CCNI: variants seen among roughly 807,000 people sequenced by gnomAD.
The protein encoded by CCNI is cyclin-I.
CCNI carries 14 observed loss-of-function variants against 34.1 expected under a neutral mutation model. The observed-to-expected ratio is 0.41, with a 90% CI of 0.27 to 0.64. The LOEUF (loss-of-function observed/expected upper bound fraction) is 0.64. Ranked by LOEUF, CCNI falls within the 30% of genes least tolerant of loss-of-function variation. The pLI is 0.31. For missense variants in CCNI, 385 were observed against 440.5 expected (o/e 0.87, Z 1.13); for synonymous variants, 154 against 158.4 (o/e 0.97, Z 0.21).
rs766049883 is a variant in CCNI at position 77,048,529 on chromosome 4, C to T, written c.824G>A (p.Gly275Glu). 1 of 1,613,952 alleles carries T rather than the reference C, an allele frequency of 6.2e-7. No homozygotes were observed. The highest frequency in any genetic ancestry group is 2.2e-5 in the East Asian group (1 of 44,874). ...AGAGGAGGGATGTAATCTGAACACT[C>T]CTTTGTCACAGGTCACCAGGGTGTG... Reference protein sequence around the residue: ...LKHTLVTCDKGVFRLHPSSVP... With the variant: ...LKHTLVTCDKEVFRLHPSSVP... Residue 275 changes from glycine to glutamate, a missense_variant, in exon 7 of 7, where the codon GGA becomes GAA. Around this residue, in one of 2 missense-constraint regions of CCNI, gnomAD observed 250 missense variants for 248.7 expected, o/e 1.01. Transcript: ENST00000237654.
In CCNI at chr4:77,058,119, C is replaced by G. The variant is rs542213053; in HGVS notation, c.243+388G>C. On this transcript the variant is annotated intron_variant, in intron 3 of 6. Coordinates refer to ENST00000237654, the MANE Select transcript of CCNI (RefSeq NM_006835.3). ...CCTGTAATCCCAGCACTTTGGGAGGCCAAGGCAGGCTGATGACTTGACGTC... is the reference window on the plus strand; with the variant it reads ...CCTGTAATCCCAGCACTTTGGGAGGGCAAGGCAGGCTGATGACTTGACGTC... Among the ~76,000 whole-genome samples, 57 of 152,316 alleles carry G rather than the reference C, an allele frequency of 3.7e-4. No individual in the cohort carries two copies. The Middle Eastern group carries it at 0.014, about 36-fold the overall frequency.
rs572129695 is a variant in CCNI at position 77,056,634 on chromosome 4, G to A, written c.244-311C>T. The A allele has an allele frequency of 5.6e-4, 131 of 233,998 alleles. 1 individual carries two copies. Among genetic ancestry groups the A allele is most frequent in the African/African-American group, 1.6e-3 (67 of 41,028 alleles). The allele number at this position is 233,998 out of a possible 1,614,324, so 14.5% of individuals were successfully genotyped here. On this transcript the variant is annotated intron_variant, in intron 3 of 6. Transcript: ENST00000237654. Reference sequence around the variant, plus strand: ...AGACGGAGTCTTGGCCTGTCGCCCAGGCTGCAGTGCAGTGGCACGATGTCA... The same window carrying A: ...AGACGGAGTCTTGGCCTGTCGCCCAAGCTGCAGTGCAGTGGCACGATGTCA...
chr4:77,073,591 T>C (rs908115634), intron 1 of CCNI, among the ~76,000 whole-genome samples: 6 of 152,192 alleles, frequency 3.9e-5, no homozygotes, highest in East Asian at 1.9e-4. Flanking sequence ...TTAAAGGTAT[T>C]TGCAATTCCA....
chr4:77,067,776 C>G (rs1729147459), intron 1 of CCNI, among the ~76,000 whole-genome samples: 1 of 119,114 alleles, frequency 8.4e-6, no homozygotes, highest in African/African-American at 3.4e-5. Flanking sequence ...AGCCACCGTG[C>G]AGGCTTCTAG....
chr4:77,063,082 TGGCAGAAA>T (rs1257826711), intron 2 of CCNI, among the ~76,000 whole-genome samples: 1 of 152,068 alleles, frequency 6.6e-6, no homozygotes, highest in Non-Finnish European at 1.5e-5. Context: ...AAGCAGAGTG[TGGCAGAAA>T]CACATAGAAG....
In CCNI at chr4:77,050,687, T is replaced by A. The variant is rs4252936; in HGVS notation, c.691-2025A>T. Among the ~76,000 whole-genome samples, 1,099 of 152,232 alleles carry A rather than the reference T, an allele frequency of 7.2e-3. 15 individuals carry two copies. The highest frequency in any genetic ancestry group is 0.025 in the African/African-American group (1,034 of 41,538). On this transcript the variant is annotated intron_variant, in intron 6 of 6. Transcript: ENST00000237654. ...TCCCTTAAAAGAAAAAAAGTTAACA[T>A]AACACTTAAGATAGTCCCTGAACTA...
At chr4:77,066,212 T>C in intron 2 of CCNI, 37 bp downstream of exon 2, 2 of 1,556,160 alleles carry the variant, frequency 1.3e-6, no homozygotes, top group Admixed American at 3.4e-5. Flanking sequence ...TGTTTATTTC[T>C]AATAAAATTC....
intron 6 of CCNI, among the ~76,000 whole-genome samples, 164 bp downstream of exon 6, chr4:77,054,982 AAAAG>A (rs1402942483): frequency 6.6e-6 from 1 of 152,238 alleles, no homozygotes; most frequent in Non-Finnish European, 1.5e-5. Flanking sequence ...TTATATGAAA[AAAAG>A]AGATCACCTA....
intron 6 of CCNI, among the ~76,000 whole-genome samples, chr4:77,053,519 T>C (rs556745464): frequency 2.6e-5 from 4 of 152,340 alleles, no homozygotes; most frequent in South Asian, 4.1e-4. Flanking sequence ...GATTTTCCAG[T>C]GTTTTTCACT....
intron 1 of CCNI, 59 bp from the exon 2 acceptor site, chr4:77,066,464 T>G: frequency 7.6e-7 from 1 of 1,311,138 alleles, no homozygotes; most frequent in Non-Finnish European, 1.1e-6. Context: ...TTATATAAAG[T>G]ACTAATTAAG....
chr4:77,053,973 C>A (rs1205177800), intron 6 of CCNI, among the ~76,000 whole-genome samples: 1 of 152,036 alleles, frequency 6.6e-6, no homozygotes, highest in Non-Finnish European at 1.5e-5. Context: ...AAAAACAGCC[C>A]ATGTTACACT....
chr4:77,053,037 G>C (rs4252915), intron 6 of CCNI, among the ~76,000 whole-genome samples: 8,794 of 152,202 alleles, frequency 0.058, 868 homozygotes, highest in African/African-American at 0.2. Flanking sequence ...TACGTCCAAA[G>C]ACTACCTACA....
rs758221920 is a variant in CCNI, at chr4:77,048,458, G to A, written c.895C>T (p.Pro299Ser). Residue 299 changes from proline (P) to serine (S), a missense_variant, in exon 7 of 7, where the codon CCA (proline) becomes TCA (serine). Physicochemically the swap from Pro to Ser is moderately conservative, Grantham distance 74 (BLOSUM62 -1). Coordinates refer to ENST00000237654, the MANE Select transcript of CCNI (RefSeq NM_006835.3). ...FSKDNSKPEV[P>S]VRGTAAFYHH... The stretch of plus-strand genomic sequence containing the variant: ...TAAAAGGCTGCTGTACCTCTGACTG[G>A]CACTTCTGGCTTGCTGTTGTCCTTG... 3 of 1,614,138 alleles carry A rather than the reference G, an allele frequency of 1.9e-6. No homozygotes were observed. In the South Asian group the frequency reaches 3.3e-5, roughly 18 times the overall value.
chr4:77,064,776 T>A (rs1459734515), intron 2 of CCNI: 1 of 150,944 alleles, frequency 6.6e-6, no homozygotes, highest in Admixed American at 6.6e-5. Flanking sequence ...GCCTCCTGGG[T>A]TCAAGCAATT....
intron 6 of CCNI, among the ~76,000 whole-genome samples, chr4:77,050,238 T>C (rs1727736583): frequency 6.6e-6 from 1 of 152,208 alleles, no homozygotes; most frequent in African/African-American, 2.4e-5. Context: ...GAAGCCTATC[T>C]TGACCATTTA....
At chr4:77,059,631 G>T (rs4252860) in intron 2 of CCNI, among the ~76,000 whole-genome samples, 2,361 of 151,714 alleles carry the variant, frequency 0.016, 60 homozygotes, top group African/African-American at 0.053. Context: ...TTTTTAAATG[G>T]GCTATCATTC....
At chr4:77,070,801 G>A (rs918734011) in intron 1 of CCNI, among the ~76,000 whole-genome samples, 2 of 152,124 alleles carry the variant, frequency 1.3e-5, no homozygotes, top group Non-Finnish European at 2.9e-5. Context: ...AAGGCAGGAG[G>A]AGCCCAGTAG....
Position 77,052,319 on chromosome 4 carries a change from C to G in CCNI, c.690+2831G>C, listed in dbSNP as rs574736400. Among the ~76,000 whole-genome samples the G allele has an allele frequency of 2.0e-5, 3 of 152,248 alleles. No homozygotes were observed. The South Asian group carries it at 6.2e-4, about 32-fold the overall frequency. On this transcript the variant is annotated intron_variant, in intron 6 of 6. Coordinates refer to ENST00000237654, the MANE Select transcript of CCNI (RefSeq NM_006835.3). ...TTGTTCTGTTTTATGGCTGCACCTACTCTAGTTTTAAACTAGAACATGTAC... is the reference window on the plus strand; with the variant it reads ...TTGTTCTGTTTTATGGCTGCACCTAGTCTAGTTTTAAACTAGAACATGTAC...
At chr4:77,072,638 T>TAAAAAAAAAAAAAAAAA (rs61247567) in intron 1 of CCNI, among the ~76,000 whole-genome samples, 3 of 101,392 alleles carry the variant, frequency 3.0e-5, no homozygotes, top group African/African-American at 4.1e-5. Flanking sequence ...CCCAATCTCT[T>TAAAAAAAAAAAAAAAAA]AAAAAAAAAA....
Sources: allele counts gnomAD v4.1 joint callset (sites outside exome capture counted in the v4.1 genomes callset), GRCh38; gene constraint gnomAD v4.1.1; regional missense constraint gnomAD v4.1.1; transcripts MANE v1.5; gene names NCBI Gene and HGNC (gene_info 2026-07-23, HGNC 2026-07-21).